PTPRD: variants seen among roughly 807,000 people sequenced by gnomAD.
PTPRD encodes receptor-type tyrosine-protein phosphatase delta.
PTPRD carries 34 observed loss-of-function variants against 214.5 expected under a neutral mutation model. The ratio of observed to expected loss-of-function variants is 0.16; its 90% CI spans 0.12 to 0.21. The LOEUF is 0.21. PTPRD is among the 10% of genes least tolerant of loss of function. The pLI is 1.00. For synonymous variants in PTPRD, 1,128 were observed against 845.7 expected, an observed-to-expected ratio of 1.33 and a Z score of -5.79; for missense variants, 2,545 against 2,398.7, an observed-to-expected ratio of 1.06 and a Z score of -1.27.
intron 4 of PTPRD, among the ~76,000 whole-genome samples, chr9:9,966,524 T>C (rs2094712683): frequency 6.6e-6 from 1 of 151,684 alleles, no homozygotes; most frequent in African/African-American, 2.4e-5. Flanking sequence ...AAGGCTGAGC[T>C]ATTAAAATAA....
chr9:8,373,962 G>A (rs150512618), intron 39 of PTPRD, among the ~76,000 whole-genome samples: 2,230 of 150,332 alleles, frequency 0.015, 53 homozygotes, highest in African/African-American at 0.052. Context: ...TTTAATTTAC[G>A]GAAATGGGAA....
At chr9:8,673,238 G>T (rs1411515823) in intron 12 of PTPRD, among the ~76,000 whole-genome samples, 1 of 151,946 alleles carries the variant, frequency 6.6e-6, no homozygotes, top group African/African-American at 2.4e-5. Flanking sequence ...ACAGCTAAAG[G>T]TTAACTGAAA....
intron 3 of PTPRD, among the ~76,000 whole-genome samples, chr9:10,045,844 T>C (rs2097379698): frequency 6.6e-6 from 1 of 151,760 alleles, no homozygotes; most frequent in Non-Finnish European, 1.5e-5. Context: ...ATGATTTTTT[T>C]AAAAGGAGCT....
At chr9:9,237,305 T>C (rs1396820803) in intron 9 of PTPRD, among the ~76,000 whole-genome samples, 1 of 152,014 alleles carries the variant, frequency 6.6e-6, no homozygotes, top group Non-Finnish European at 1.5e-5. Flanking sequence ...TGGCACACAC[T>C]TGTAATCCCA....
At chr9:8,670,225 T>C (rs959557125) in intron 12 of PTPRD, among the ~76,000 whole-genome samples, 4 of 152,162 alleles carry the variant, frequency 2.6e-5, no homozygotes, top group African/African-American at 9.7e-5. Flanking sequence ...ACTTTAGGCA[T>C]TATGTGGTAC....
chr9:9,417,171 C>G lies in PTPRD; in HGVS notation c.-236-19689G>C, dbSNP rs190745670. On this transcript the variant is annotated intron_variant, in intron 8 of 45. Transcript: ENST00000381196. Reference sequence around the variant, plus strand: ...ACTTGCTTCAGCTATAAAATTGGTGCTACAGAAGCAGACTGTTATTTTTAA... The same window carrying G: ...ACTTGCTTCAGCTATAAAATTGGTGGTACAGAAGCAGACTGTTATTTTTAA... Among the ~76,000 whole-genome samples, 12 of 152,238 alleles carry G rather than the reference C, an allele frequency of 7.9e-5. No homozygotes were observed. In the East Asian group the frequency reaches 2.3e-3, roughly 29 times the overall value.
intron 11 of PTPRD, among the ~76,000 whole-genome samples, chr9:8,930,104 T>TC (rs1231335655): frequency 8.4e-5 from 11 of 130,690 alleles, no homozygotes; most frequent in Admixed American, 1.5e-4. Flanking sequence ...ATGCTATCCC[T>TC]CCCACCCCCC....
chr9:10,324,901 A>T (rs1163674594), intron 3 of PTPRD, among the ~76,000 whole-genome samples: 3 of 152,100 alleles, frequency 2.0e-5, no homozygotes, highest in Non-Finnish European at 4.4e-5. Context: ...AAAGCAAATC[A>T]AAATTTCAAA....
intron 2 of PTPRD, among the ~76,000 whole-genome samples, chr9:10,411,338 A>G (rs1359099): frequency 0.73 from 110,803 of 151,650 alleles, 41,160 homozygotes; most frequent in Non-Finnish European, 0.81. Flanking sequence ...CTTGTAGTTG[A>G]CTTTCCAGTT....
chr9:8,875,130 T>C (rs1179510804), intron 11 of PTPRD, among the ~76,000 whole-genome samples: 2 of 152,154 alleles, frequency 1.3e-5, no homozygotes, highest in Admixed American at 1.3e-4. Context: ...GATGATTAAA[T>C]GAAAGAGTAG....
chr9:9,627,944 CAT>C (rs1375570509), intron 7 of PTPRD, among the ~76,000 whole-genome samples: 2 of 152,140 alleles, frequency 1.3e-5, no homozygotes, highest in South Asian at 2.1e-4. Flanking sequence ...TATTTTACAA[CAT>C]ATGTTTTTTT....
chr9:10,354,226 C>G (rs1278167305), intron 2 of PTPRD, among the ~76,000 whole-genome samples: 1 of 152,104 alleles, frequency 6.6e-6, no homozygotes, highest in Non-Finnish European at 1.5e-5. Context: ...ATTATGAATG[C>G]TTTTGCAATT....
At chr9:10,127,626 G>A (rs150408) in intron 3 of PTPRD, among the ~76,000 whole-genome samples, 25,104 of 151,982 alleles carry the variant, frequency 0.17, 2,460 homozygotes, top group African/African-American at 0.26. Context: ...TAATCATATT[G>A]TTTCTTATCC....
At chr9:10,238,724 A>T (rs2154361114) in intron 3 of PTPRD, among the ~76,000 whole-genome samples, 1 of 152,084 alleles carries the variant, frequency 6.6e-6, no homozygotes, top group African/African-American at 2.4e-5. Context: ...AAACTATGTT[A>T]TGCCTAGAAA....
intron 4 of PTPRD, among the ~76,000 whole-genome samples, chr9:9,979,945 A>G (rs938959633): frequency 6.6e-6 from 1 of 152,212 alleles, no homozygotes. Context: ...ACACTGAGAA[A>G]AGTAAAATTC....
At chr9:9,536,578 T>C (rs1271962546) in intron 8 of PTPRD, among the ~76,000 whole-genome samples, 2 of 152,044 alleles carry the variant, frequency 1.3e-5, no homozygotes, top group Non-Finnish European at 2.9e-5. Flanking sequence ...CTCACTGGGC[T>C]GGACAGAGCA....
chr9:8,680,998 T>C (rs571053093), intron 12 of PTPRD, among the ~76,000 whole-genome samples: 54 of 152,332 alleles, frequency 3.5e-4, no homozygotes, highest in African/African-American at 1.2e-3. Flanking sequence ...CTATATTTCC[T>C]AGGTTCAAAA....
chr9:10,203,507 T>C (rs569005200), intron 3 of PTPRD, among the ~76,000 whole-genome samples: 2 of 152,216 alleles, frequency 1.3e-5, no homozygotes, highest in African/African-American at 4.8e-5. Flanking sequence ...GGGTAAGGCA[T>C]CTATATTTTA....
chr9:9,788,909 A>T (rs2098946866), intron 5 of PTPRD, among the ~76,000 whole-genome samples: 1 of 152,188 alleles, frequency 6.6e-6, no homozygotes, highest in Non-Finnish European at 1.5e-5. Context: ...AAACAACTAA[A>T]AGAACCCTCT....
Sources: gnomAD v4.1 joint callset for allele counts (sites outside exome capture counted in the v4.1 genomes callset) on GRCh38, gnomAD v4.1.1 for gene constraint, MANE v1.5 for transcripts, NCBI Gene and HGNC (gene_info 2026-07-23, HGNC 2026-07-21) for gene names.